The following GGT1 variants were observed in gnomAD, a reference collection of about 807,000 sequenced individuals.
GGT1 encodes gamma-glutamyltransferase 1.
GGT1 carries 21 observed loss-of-function variants against 56.0 expected under a neutral mutation model. The observed-to-expected ratio is 0.38, with a 90% CI of 0.27 to 0.54. The LOEUF is 0.54. Ranked by LOEUF, GGT1 falls within the 20% of genes least tolerant of loss-of-function variation. The pLI is 0.82. For synonymous variants in GGT1, 238 were observed against 342.6 expected (o/e 0.69, Z 3.37); for missense variants, 466 against 787.0 (o/e 0.59, Z 4.88).
At chr22:24,591,434 G>C (rs114173860), upstream of GGT1, among the ~76,000 whole-genome samples, 770 of 152,348 alleles carry the variant, frequency 5.1e-3, 7 homozygotes, top group African/African-American at 0.017. Context: ...ACAGCCAGGA[G>C]GGGCCTCTAG....
chr22:24,589,918 T>C, upstream of GGT1: 1 of 1,610,900 alleles, frequency 6.2e-7, no homozygotes, highest in Non-Finnish European at 8.5e-7. Flanking sequence ...GTAGAGGATA[T>C]CAGGAAGGAG....
At chr22:24,600,769 A>T (rs1237925388), upstream of GGT1, among the ~76,000 whole-genome samples, 1 of 152,128 alleles carries the variant, frequency 6.6e-6, no homozygotes, top group African/African-American at 2.4e-5. Context: ...CAGGTACAGG[A>T]TCTGGAGTGG....
the GGT1 span, among the ~76,000 whole-genome samples, chr22:24,584,992 C>G: frequency 6.6e-6 from 1 of 152,074 alleles, no homozygotes; most frequent in Non-Finnish European, 1.5e-5. Context: ...CCCCCTGCTG[C>G]TGGTGATGCG....
At chr22:24,616,843 T>C (rs796229127) in intron 7 of GGT1, among the ~76,000 whole-genome samples, 1 of 151,914 alleles carries the variant, frequency 6.6e-6, no homozygotes, top group African/African-American at 2.4e-5. Flanking sequence ...CTGTGCCCGA[T>C]CAATCTTTCA....
chr22:24,597,101 G>T (rs2045706761), intron 1 of GGT1, among the ~76,000 whole-genome samples: 1 of 151,528 alleles, frequency 6.6e-6, no homozygotes, highest in East Asian at 2.0e-4. Flanking sequence ...TCCTGCCTCA[G>T]CCTTCCAAGT....
chr22:24,592,600 A>C, upstream of GGT1: 1 of 512,608 alleles, frequency 2.0e-6, no homozygotes, highest in East Asian at 4.1e-5. Flanking sequence ...AAAGACCCGG[A>C]CACACTCAGC....
rs8137090 is a variant in GGT1 at position 24,597,460 on chromosome 22, A to G, written c.-324+2574A>G. 9.4e-3 allele frequency among the ~76,000 whole-genome samples: 1,424 copies of G among 152,238 alleles called. 18 individuals are homozygous for G. Among genetic ancestry groups the G allele is most frequent in the African/African-American group, 0.032 (1,329 of 41,532 alleles). ...GAGGCTAAGGTGGGCGGATCACTTG[A>G]GGCTAGGAGTTTGAGACCAGCCTGG... On this transcript the variant is annotated intron_variant, in intron 1 of 6. Coordinates refer to the GGT1 transcript ENST00000411974.
intron 1 of GGT1, among the ~76,000 whole-genome samples, chr22:24,606,940 C>T (rs1257518645): frequency 6.6e-6 from 1 of 150,820 alleles, no homozygotes; most frequent in African/African-American, 2.5e-5. Flanking sequence ...GAGACTCTGG[C>T]CCATATCCTT....
upstream of GGT1, among the ~76,000 whole-genome samples, chr22:24,598,445 CAAA>C (rs1186508492): frequency 1.3e-5 from 1 of 76,038 alleles, no homozygotes; most frequent in Non-Finnish European, 2.7e-5. Flanking sequence ...GACTCCGTCT[CAAA>C]AAAAAAAAAA....
At chr22:24,627,296 G>T in intron 11 of GGT1, 136 bp from the exon 12 acceptor site, 1 of 1,323,870 alleles carries the variant, frequency 7.6e-7, no homozygotes, top group East Asian at 2.5e-5. Flanking sequence ...GCCTGCCCTT[G>T]GGTCCTGGGG....
intron 7 of GGT1, among the ~76,000 whole-genome samples, chr22:24,619,746 G>A (rs1476227401): frequency 6.6e-6 from 1 of 151,708 alleles, no homozygotes; most frequent in African/African-American, 2.4e-5. Flanking sequence ...CCTCGGTCAA[G>A]GTGGGATCTG....
At chr22:24,589,330 C>T in the GGT1 span, 2 of 1,167,336 alleles carry the variant, frequency 1.7e-6, no homozygotes, top group Non-Finnish European at 2.2e-6. Context: ...TGCTTATGAC[C>T]CCAGCTGTTG....
At chr22:24,593,553 C>T (rs1014924028), upstream of GGT1, among the ~76,000 whole-genome samples, 1 of 151,810 alleles carries the variant, frequency 6.6e-6, no homozygotes, top group African/African-American at 2.4e-5. Context: ...TTTGGGGGGC[C>T]GAGGCAGGCG....
chr22:24,600,133 G>A (rs529477134), upstream of GGT1, among the ~76,000 whole-genome samples: 2 of 152,214 alleles, frequency 1.3e-5, no homozygotes, highest in Middle Eastern at 3.2e-3. Context: ...CCAGGAGGGG[G>A]GCCCTTTGGG....
At chr22:24,589,817 T>C (rs2045515461), upstream of GGT1, 1 of 1,611,188 alleles carries the variant, frequency 6.2e-7, no homozygotes, top group Non-Finnish European at 8.5e-7. Context: ...CCTGCCAGCC[T>C]CACCTTCTTG....
intron 5 of GGT1, among the ~76,000 whole-genome samples, chr22:24,613,225 A>G (rs1397806689): frequency 6.6e-6 from 1 of 152,118 alleles, no homozygotes; most frequent in African/African-American, 2.4e-5. Flanking sequence ...ACAGGCGTGC[A>G]TCACACCTGA....
At chr22:24,614,265 A>G (rs541029384) in intron 5 of GGT1, among the ~76,000 whole-genome samples, 16 of 146,030 alleles carry the variant, frequency 1.1e-4, no homozygotes, top group Non-Finnish European at 1.4e-4. Flanking sequence ...GGGAGGGTCA[A>G]TTGAGCCCAG....
chr22:24,601,106 C>T (rs1317317895), upstream of GGT1, among the ~76,000 whole-genome samples: 2 of 152,160 alleles, frequency 1.3e-5, no homozygotes, highest in Admixed American at 6.5e-5. Context: ...CACCAGGAGA[C>T]ACAAAATGTC....
At chr22:24,617,267 TG>T (rs2047129619) in intron 7 of GGT1, among the ~76,000 whole-genome samples, 1 of 152,080 alleles carries the variant, frequency 6.6e-6, no homozygotes, top group African/African-American at 2.4e-5. Flanking sequence ...CAGAGCCCTG[TG>T]GGGAGCTGGG....
Sources: allele counts gnomAD v4.1 joint callset (sites outside exome capture counted in the v4.1 genomes callset), GRCh38; gene constraint gnomAD v4.1.1; transcripts MANE v1.5; gene names NCBI Gene and HGNC (gene_info 2026-07-23, HGNC 2026-07-21).